The following CRYL1 variants were observed in gnomAD, a reference collection of about 807,000 sequenced individuals.
CRYL1 encodes crystallin lambda 1, also known as lambda-crystallin homolog.
Under a neutral mutation model 36.6 loss-of-function variants are expected in CRYL1, and 29 were observed. The observed-to-expected ratio is 0.79, with a 90% confidence interval of 0.59 to 1.08. CRYL1 has a LOEUF of 1.08. CRYL1 is among the 50% of genes least tolerant of loss of function. CRYL1 has a pLI of 0.00. For missense variants in CRYL1, 411 were observed against 407.9 expected (o/e 1.01, Z -0.06); for synonymous variants, 152 against 151.5 (o/e 1.00, Z -0.02).
intron 3 of CRYL1, among the ~76,000 whole-genome samples, chr13:20,444,255 AAAAATC>A (rs1235994482): frequency 1.3e-5 from 2 of 152,208 alleles, no homozygotes; most frequent in African/African-American, 4.8e-5. Context: ...TTTTTTCCTT[AAAAATC>A]AAAATAAAGG....
At chr13:20,474,521 C>T (rs762067559) in intron 3 of CRYL1, among the ~76,000 whole-genome samples, 1 of 152,212 alleles carries the variant, frequency 6.6e-6, no homozygotes, top group African/African-American at 2.4e-5. Flanking sequence ...TGCATAATTA[C>T]TGCATGGAGT....
Position 20,420,701 on chromosome 13 carries a change from T to TTTTTTTTTTGTGTGTG in CRYL1, c.634-7315_634-7314insCACACACAAAAAAAAA. 4.1e-4 allele frequency among the ~76,000 whole-genome samples: 9 copies of TTTTTTTTTTGTGTGTG among 21,840 alleles called. 1 individual carries two copies. The highest frequency in any genetic ancestry group is 8.4e-4 in the African/African-American group (8 of 9,476). The allele number at this position is 21,840 out of a possible 152,430, so 14.3% of individuals were successfully genotyped here. A position where few individuals can be genotyped will look rare whatever the true frequency, so the allele number is the denominator to read the frequency against. On this transcript the variant is annotated intron_variant, in intron 5 of 7. Coordinates refer to ENST00000298248, the MANE Select transcript of CRYL1 (RefSeq NM_015974.3). ...CTTTGACTTTTCTTTAAAATAGAGG[T>TTTTTTTTTTGTGTGTG]TGTGTGTGTGTGTGTGTGTGTGTGT...
chr13:20,409,609 G>A (rs1191597345), intron 6 of CRYL1, among the ~76,000 whole-genome samples: 9 of 147,524 alleles, frequency 6.1e-5, no homozygotes, highest in African/African-American at 2.0e-4. Context: ...TACAAAATGG[G>A]AGAAAATTTT....
At position 20,421,029 on chromosome 13, in the gene CRYL1, A is replaced by G. The variant is rs1029109005; in HGVS notation, c.634-7642T>C. Among the ~76,000 whole-genome samples, 7 of 149,066 alleles carry G rather than the reference A, an allele frequency of 4.7e-5. 1 individual carries two copies. The South Asian group carries it at 6.6e-4, about 14-fold the overall frequency. Reference sequence around the variant, plus strand: ...ATTACAGGCGTGAGCCACTGCGCCCAGCCTAAAATAGAGCTTTTAAATAGA... The same window carrying G: ...ATTACAGGCGTGAGCCACTGCGCCCGGCCTAAAATAGAGCTTTTAAATAGA... On this transcript the variant is annotated intron_variant, in intron 5 of 7. Coordinates refer to ENST00000298248, the MANE Select transcript of CRYL1 (RefSeq NM_015974.3).
chr13:20,451,055 T>C (rs1224438805), intron 3 of CRYL1, among the ~76,000 whole-genome samples: 2 of 125,676 alleles, frequency 1.6e-5, no homozygotes, highest in African/African-American at 3.1e-5. Context: ...ACACCGGGCC[T>C]GTCGAGGGGT....
chr13:20,522,178 T>C (rs2034108396), intron 1 of CRYL1, among the ~76,000 whole-genome samples: 1 of 152,088 alleles, frequency 6.6e-6, no homozygotes, highest in Non-Finnish European at 1.5e-5. Flanking sequence ...GGAGAAACCC[T>C]GTCTCTACTA....
At chr13:20,517,329 A>G (rs894896150) in intron 1 of CRYL1, among the ~76,000 whole-genome samples, 1 of 152,148 alleles carries the variant, frequency 6.6e-6, no homozygotes, top group Admixed American at 6.5e-5. Flanking sequence ...GGCCGGGTGC[A>G]GTGGCTCACA....
intron 2 of CRYL1, among the ~76,000 whole-genome samples, chr13:20,510,456 C>T (rs187751626): frequency 1.8e-4 from 27 of 151,968 alleles, no homozygotes; most frequent in Admixed American, 1.2e-3. Context: ...CTGTGGAGAC[C>T]GTAAAAGGAT....
chr13:20,425,294 C>T lies in CRYL1; in HGVS notation c.633+6808G>A, dbSNP rs1222503433. Among the ~76,000 whole-genome samples, 2 of 152,226 alleles carry T rather than the reference C, an allele frequency of 1.3e-5. No homozygotes were observed. Among genetic ancestry groups the T allele is most frequent in the African/African-American group, 2.4e-5 (1 of 41,452 alleles). On this transcript the variant is annotated intron_variant, in intron 5 of 7. Transcript: ENST00000298248. The surrounding 1 kb of genome is among the most constrained non-coding windows in gnomAD (Gnocchi z 4.4). ...GTCCTTGACCTCAAAGCCTGTGAAA[C>T]GATGATGGAGCCCAGTTCTGCTCCT...
At chr13:20,509,921 C>A (rs575265910) in intron 2 of CRYL1, among the ~76,000 whole-genome samples, 1 of 152,260 alleles carries the variant, frequency 6.6e-6, no homozygotes, top group African/African-American at 2.4e-5. Flanking sequence ...CAGAGGGAGA[C>A]TGTCTCAAAA....
chr13:20,518,589 G>A (rs1177890307), intron 1 of CRYL1, among the ~76,000 whole-genome samples: 1 of 152,146 alleles, frequency 6.6e-6, no homozygotes, highest in African/African-American at 2.4e-5. Context: ...GAGATAGTTG[G>A]CTAATAGAAG....
At chr13:20,409,266 A>G (rs2031457583) in intron 6 of CRYL1, among the ~76,000 whole-genome samples, 1 of 148,090 alleles carries the variant, frequency 6.8e-6, no homozygotes, top group African/African-American at 2.5e-5. Flanking sequence ...TCCCTATTTA[A>G]TAAATGGTGC....
At chr13:20,408,645 CTT>C (rs1264313831) in intron 6 of CRYL1, among the ~76,000 whole-genome samples, 1 of 152,192 alleles carries the variant, frequency 6.6e-6, no homozygotes, top group African/African-American at 2.4e-5. Context: ...TATCCTGAGA[CTT>C]TGCTGAAGTT....
intron 2 of CRYL1, among the ~76,000 whole-genome samples, chr13:20,500,072 A>C (rs2033677281): frequency 6.6e-6 from 1 of 152,234 alleles, no homozygotes; most frequent in Admixed American, 6.5e-5. Flanking sequence ...GCACTAATGG[A>C]AACACTGATG....
chr13:20,491,548 T>A (rs2033512322), intron 2 of CRYL1, among the ~76,000 whole-genome samples: 1 of 152,170 alleles, frequency 6.6e-6, no homozygotes, highest in African/African-American at 2.4e-5. Flanking sequence ...TCCAGCACTT[T>A]GCGAGGCCAA....
chr13:20,427,354 A>C (rs1223996940), intron 5 of CRYL1: 3 of 982,354 alleles, frequency 3.1e-6, no homozygotes, highest in Non-Finnish European at 2.4e-6. Context: ...GGCACAATAG[A>C]CCTGGCTCCT....
At chr13:20,446,955 A>AT (rs1315845067) in intron 3 of CRYL1, among the ~76,000 whole-genome samples, 2 of 152,178 alleles carry the variant, frequency 1.3e-5, no homozygotes, top group Non-Finnish European at 2.9e-5. Context: ...TCTAGTTGGA[A>AT]TTTTTTGTTA....
Position 20,472,537 on chromosome 13 carries a change from A to C in CRYL1, c.276+16833T>G, listed in dbSNP as rs928552817. On this transcript the variant is annotated intron_variant, in intron 3 of 7. Transcript: ENST00000298248. ...ATATTATCTCCATTTTATAGATGAG[A>C]AAACTTGTTTTCTAAGCTTCCTGTA... Among the ~76,000 whole-genome samples the C allele has an allele frequency of 4.6e-5, 7 of 152,254 alleles. No homozygotes were observed. The East Asian group carries it at 9.7e-4, about 21-fold the overall frequency.
chr13:20,501,002 C>A (rs1178501087), intron 2 of CRYL1, among the ~76,000 whole-genome samples: 1 of 152,144 alleles, frequency 6.6e-6, no homozygotes, highest in Non-Finnish European at 1.5e-5. Flanking sequence ...ACCATGATTG[C>A]TTCCTTGCCC....
Sources: gnomAD v4.1 joint callset for allele counts (sites outside exome capture counted in the v4.1 genomes callset) on GRCh38, gnomAD v4.1.1 for gene constraint, Gnocchi (gnomAD v3.1) non-coding constraint, MANE v1.5 for transcripts, NCBI Gene and HGNC (gene_info 2026-07-23, HGNC 2026-07-21) for gene names.